CYP3A5: variants seen among roughly 807,000 people sequenced by gnomAD.
CYP3A5 encodes the protein cytochrome P450 3A5.
A neutral mutation model predicts 55.9 loss-of-function variants in CYP3A5; 51 were observed. That is an observed-to-expected ratio of 0.91 (90% CI 0.73 to 1.15). The LOEUF is 1.15. CYP3A5 is among the 50% of genes most tolerant of loss of function. The pLI is 0.00. For synonymous variants in CYP3A5, 196 were observed against 213.9 expected (o/e 0.92, Z 0.73); for missense variants, 533 against 596.6 (o/e 0.89, Z 1.11).
At chr7:99,666,752 G>T in intron 5 of CYP3A5, 63 bp from the exon 6 acceptor site, 1 of 1,612,652 alleles carries the variant, frequency 6.2e-7, no homozygotes, top group South Asian at 1.1e-5. Context: ...AGAAGGATAT[G>T]GCTTTCTCCA....
At chr7:99,676,673 A>G (rs775494570) in intron 1 of CYP3A5, 36 of 653,628 alleles carry the variant, frequency 5.5e-5, no homozygotes, top group Non-Finnish European at 8.3e-5. Flanking sequence ...CTGGGAGCCT[A>G]TGGTGACACT....
chr7:99,666,728 C>T (rs1339360318), intron 5 of CYP3A5, 39 bp from the exon 6 acceptor site: 3 of 1,613,528 alleles, frequency 1.9e-6, no homozygotes, highest in Non-Finnish European at 2.5e-6. Flanking sequence ...GTTAAATGTG[C>T]AGACTCAAGT....
rs1445040416 is a variant in CYP3A5, at chr7:99,652,757, A to G, written c.1049T>C (p.Val350Ala). 6.2e-7 allele frequency: 1 copy of G among 1,613,468 alleles called. No individual in the cohort carries two copies. The highest frequency in any genetic ancestry group is 1.3e-5 in the African/African-American group (1 of 74,526). ...CATGTCAAGGTACTCCATCTGTACC[A>G]CGGCATCATAGGTAGGTGGTGCCTG... is the stretch of plus-strand genomic sequence containing the variant. ...PNKAPPTYDAVVQMEYLDMVV... is the reference protein window; with the variant it reads ...PNKAPPTYDAAVQMEYLDMVV... The change falls in exon 11 of 13, where the codon GTG (valine) becomes GCG (alanine). Residue 350 changes from valine (V) to alanine (A), a missense_variant. Coordinates refer to ENST00000222982, the MANE Select transcript of CYP3A5 (RefSeq NM_000777.5).
In CYP3A5 at chr7:99,679,821, C is replaced by G; in HGVS notation, c.71+5G>C. The G allele has an allele frequency of 6.2e-7, 1 of 1,613,690 alleles. No homozygotes were observed. The highest frequency in any genetic ancestry group is 8.5e-7 in the Non-Finnish European group (1 of 1,179,780). ...ACAAAGAGAGGAGTTTGGACAGTTACTCACAGATAGAGGAGCACCAGGCTG... is the reference window on the plus strand; with the variant it reads ...ACAAAGAGAGGAGTTTGGACAGTTAGTCACAGATAGAGGAGCACCAGGCTG... On this transcript the variant is annotated splice_donor_5th_base_variant and intron_variant, in intron 1 of 12. Coordinates refer to ENST00000222982, the MANE Select transcript of CYP3A5 (RefSeq NM_000777.5).
At chr7:99,674,878 T>C (rs1221302494) in intron 2 of CYP3A5, among the ~76,000 whole-genome samples, 3 of 152,236 alleles carry the variant, frequency 2.0e-5, no homozygotes, top group Non-Finnish European at 4.4e-5. Flanking sequence ...CTTTTTCTTT[T>C]ATTCTCTCTA....
chr7:99,664,196 A>G (rs564565917), intron 7 of CYP3A5, 101 bp from the exon 8 acceptor site: 3 of 1,022,450 alleles, frequency 2.9e-6, no homozygotes, highest in African/African-American at 1.6e-5. Context: ...TAAGAACATC[A>G]TGATTCTCAA....
rs751644679 is a variant in CYP3A5, at chr7:99,665,260, G to A, written c.576C>T (p.Asn192=). 11 of 1,614,160 alleles carry A rather than the reference G, an allele frequency of 6.8e-6. No homozygotes were observed. The highest frequency in any genetic ancestry group is 1.1e-5 in the South Asian group (1 of 91,086). ...CTTGTGGATTGTTGAGAGAGTCGAT[G>A]TTCACTCCAAATGATGTGCCAGTAA... ...DVITGTSFGV[N]IDSLNNPQDP... is the part of the protein sequence containing the mutation. The change falls in exon 7 of 13, where the codon AAC becomes AAT. Residue 192 remains asparagine (N), a synonymous_variant. Coordinates refer to ENST00000222982, the MANE Select transcript of CYP3A5 (RefSeq NM_000777.5).
At chr7:99,674,229 A>G (rs1811993140) in intron 3 of CYP3A5, 1 of 240,084 alleles carries the variant, frequency 4.2e-6, no homozygotes, top group Admixed American at 5.6e-5. Flanking sequence ...CACCCTTGTT[A>G]TTGATCTTTG....
chr7:99,663,885 TA>T (rs1334860644), intron 8 of CYP3A5, 82 bp downstream of exon 8: 1 of 1,465,442 alleles, frequency 6.8e-7, no homozygotes. Flanking sequence ...TTTTTAAAAA[TA>T]CAGATACATG....
chr7:99,679,767 G>A, intron 1 of CYP3A5, 59 bp downstream of exon 1: 6 of 1,522,060 alleles, frequency 3.9e-6, no homozygotes, highest in Non-Finnish European at 5.5e-6. Context: ...AGGGAAAAGG[G>A]GCCCGATTAG....
rs28383468 is a variant in CYP3A5 at position 99,676,192 on chromosome 7, G to A, written c.88C>T (p.His30Tyr). The A allele has an allele frequency of 7.9e-3, 12,686 of 1,613,744 alleles. 67 individuals carry two copies. Among genetic ancestry groups the A allele is most frequent in the Non-Finnish European group, 9.1e-3 (10,767 of 1,179,806 alleles). ...ATTCCCAGTCTCTTAAAAAGTCCAT[G>A]TGTACGGGTCCCATATCTACAAAGT... ...VLLYLYGTRT[H>Y]GLFKRLGIPG... Residue 30 changes from histidine to tyrosine, a missense_variant, in exon 2 of 13, where the codon CAT becomes TAT. Coordinates refer to ENST00000222982, the MANE Select transcript of CYP3A5 (RefSeq NM_000777.5).
In CYP3A5 at chr7:99,674,697, A is replaced by C; in HGVS notation, c.166-112T>G. The C allele has an allele frequency of 3.6e-5, 28 of 778,100 alleles. No individual in the cohort carries two copies. The South Asian group carries it at 5.0e-4, about 14-fold the overall frequency. The allele number at this position is 778,100 out of a possible 1,614,324, so 48.2% of individuals were successfully genotyped here. On this transcript the variant is annotated intron_variant, in intron 2 of 12. Transcript: ENST00000222982. Reference sequence around the variant, plus strand: ...AATGAAATCAGGCCTGCTATCTTTCACTGGCAGTTGAAGGAAGCTATTCAG... The same window carrying C: ...AATGAAATCAGGCCTGCTATCTTTCCCTGGCAGTTGAAGGAAGCTATTCAG...
At chr7:99,656,273 C>A (rs1447864044) in intron 10 of CYP3A5, among the ~76,000 whole-genome samples, 1 of 152,066 alleles carries the variant, frequency 6.6e-6, no homozygotes, top group Non-Finnish European at 1.5e-5. Flanking sequence ...CTAATTTATT[C>A]AGAGTTTTTA....
chr7:99,666,536 C>G, intron 6 of CYP3A5, 65 bp downstream of exon 6: 1 of 1,540,472 alleles, frequency 6.5e-7, no homozygotes, highest in South Asian at 1.1e-5. Flanking sequence ...CGACTGTCGA[C>G]TCCATGGCAG....
chr7:99,648,878 A>G (rs1808877008), intron 12 of CYP3A5, among the ~76,000 whole-genome samples: 1 of 152,092 alleles, frequency 6.6e-6, no homozygotes, highest in Non-Finnish European at 1.5e-5. Context: ...TCCCAGTTGA[A>G]CCCATCAAGT....
In CYP3A5 at chr7:99,679,994, AG is replaced by A; in HGVS notation, c.-99del. The A allele has an allele frequency of 1.0e-6, 1 of 982,650 alleles. No individual in the cohort carries two copies. Among genetic ancestry groups the A allele is most frequent in the Non-Finnish European group, 1.6e-6 (1 of 609,850 alleles). The allele number at this position is 982,650 out of a possible 1,614,324, so 60.9% of individuals were successfully genotyped here. A position where few individuals can be genotyped will look rare whatever the true frequency, so the allele number is the denominator to read the frequency against. On this transcript the variant is annotated 5_prime_UTR_variant, in exon 1 of 13. Transcript: ENST00000222982. ...TGCCTGGAGCTTCCCTGCCCTGCAC[AG>A]CAGTCTTCAGCCAAGCTGCTGAAAG... is the stretch of plus-strand genomic sequence containing the variant.
chr7:99,677,534 G>A (rs1489536247), intron 1 of CYP3A5, among the ~76,000 whole-genome samples: 1 of 152,206 alleles, frequency 6.6e-6, no homozygotes, highest in Non-Finnish European at 1.5e-5. Flanking sequence ...CTCCTCTTTA[G>A]AGGTTAGCCT....
chr7:99,651,096 A>C (rs1166357466), intron 11 of CYP3A5, among the ~76,000 whole-genome samples: 1 of 152,202 alleles, frequency 6.6e-6, no homozygotes, highest in African/African-American at 2.4e-5. Flanking sequence ...TCAAAATAAC[A>C]TGATAGTCAG....
At chr7:99,648,968 C>T (rs187399477) in intron 12 of CYP3A5, among the ~76,000 whole-genome samples, 67 of 152,216 alleles carry the variant, frequency 4.4e-4, no homozygotes, top group Non-Finnish European at 8.2e-4. Context: ...GTAGTGCAAA[C>T]GGGGAATTTC....
Sources: gnomAD v4.1 joint callset for allele counts (sites outside exome capture counted in the v4.1 genomes callset) on GRCh38, gnomAD v4.1.1 for gene constraint, MANE v1.5 for transcripts, NCBI Gene and HGNC (gene_info 2026-07-23, HGNC 2026-07-21) for gene names.